The following CNTNAP4 variants were observed in gnomAD, a reference collection of about 807,000 sequenced individuals.
CNTNAP4 encodes contactin associated protein family member 4, also known as contactin-associated protein-like 4.
Under a neutral mutation model 148.4 loss-of-function variants are expected in CNTNAP4, and 98 were observed. That is an observed-to-expected ratio of 0.66 (90% CI 0.56 to 0.78). The LOEUF is 0.78. CNTNAP4 is among the 30% of genes least tolerant of loss of function. The probability of loss-of-function intolerance (pLI) is 0.00; values close to 1 mark genes in which losing one functional copy is unlikely to be tolerated. For synonymous variants in CNTNAP4, 730 were observed against 565.1 expected (o/e 1.29, Z -4.14); for missense variants, 1,935 against 1,565.6 (o/e 1.24, Z -3.98).
intron 2 of CNTNAP4, among the ~76,000 whole-genome samples, chr16:76,346,702 C>G (rs527545568): frequency 5.7e-4 from 87 of 152,274 alleles, no homozygotes; most frequent in African/African-American, 2.0e-3. Context: ...ATAAACCTAT[C>G]TGTGGTAAAA....
chr16:76,543,671 A>AAG (rs1324766800), intron 21 of CNTNAP4, among the ~76,000 whole-genome samples: 147 of 152,350 alleles, frequency 9.6e-4, no homozygotes, highest in African/African-American at 3.4e-3. Context: ...CCATTGAGTT[A>AAG]AAGTCAGCCT....
intron 21 of CNTNAP4, among the ~76,000 whole-genome samples, chr16:76,551,581 G>C (rs1412131886): frequency 6.6e-6 from 1 of 152,056 alleles, no homozygotes; most frequent in African/African-American, 2.4e-5. Context: ...TCATAATTTG[G>C]AATACAGTAG....
chr16:76,474,748 G>T lies in CNTNAP4; in HGVS notation c.1656-1191G>T, dbSNP rs116407159. ...AACTTTCCAAACTTTTTCATCTATG[G>T]TGCCCTATGTGTCTCAGTAATTTTG... is the stretch of plus-strand genomic sequence containing the variant. On this transcript the variant is annotated intron_variant, in intron 10 of 23. Transcript: ENST00000611870. 6.3e-3 allele frequency among the ~76,000 whole-genome samples: 962 copies of T among 152,110 alleles called. 6 individuals are homozygous for T. Among genetic ancestry groups the T allele is most frequent in the African/African-American group, 0.022 (905 of 41,516 alleles).
chr16:76,412,930 T>C (rs1475997875), intron 3 of CNTNAP4, among the ~76,000 whole-genome samples: 1 of 151,472 alleles, frequency 6.6e-6, no homozygotes, highest in South Asian at 2.1e-4. Flanking sequence ...GTCTACAGTC[T>C]TCCTGGAATT....
chr16:76,498,109 G>T (rs903257870), intron 14 of CNTNAP4, among the ~76,000 whole-genome samples: 2 of 151,760 alleles, frequency 1.3e-5, no homozygotes, highest in African/African-American at 4.8e-5. Flanking sequence ...ATTATGTTTT[G>T]GCCAGGCCCA....
intron 10 of CNTNAP4, among the ~76,000 whole-genome samples, chr16:76,474,280 A>G (rs2081482486): frequency 6.6e-6 from 1 of 152,196 alleles, no homozygotes; most frequent in African/African-American, 2.4e-5. Context: ...CCTGGGTTGT[A>G]AAAGTGGCAA....
intron 23 of CNTNAP4, among the ~76,000 whole-genome samples, chr16:76,554,159 G>A (rs555843840): frequency 1.3e-5 from 2 of 152,270 alleles, no homozygotes; most frequent in Admixed American, 6.5e-5. Context: ...AAGATTAATT[G>A]CTAACATGTG....
At chr16:76,305,838 G>T (rs1333684499) in intron 1 of CNTNAP4, among the ~76,000 whole-genome samples, 1 of 152,108 alleles carries the variant, frequency 6.6e-6, no homozygotes, top group Non-Finnish European at 1.5e-5. Context: ...AGTCTGCAGT[G>T]TCAGCTGTTC....
intron 1 of CNTNAP4, among the ~76,000 whole-genome samples, chr16:76,294,685 C>T (rs926124618): frequency 2.0e-5 from 3 of 152,168 alleles, no homozygotes; most frequent in Non-Finnish European, 4.4e-5. Flanking sequence ...TAAAGTGTTC[C>T]AAAACATAGT....
intron 18 of CNTNAP4, among the ~76,000 whole-genome samples, chr16:76,536,554 G>GT (rs2084223607): frequency 6.6e-6 from 1 of 151,928 alleles, no homozygotes; most frequent in Non-Finnish European, 1.5e-5. Context: ...AAGATGCATT[G>GT]TTTTTTATTT....
rs1355552342 is a variant in CNTNAP4, at chr16:76,522,071, G to A, written c.2569G>A (p.Gly857Arg). ...PTVVTFSFDVGNGPFEISVQS... is the reference protein window; with the variant it reads ...PTVVTFSFDVRNGPFEISVQS... ...AGTAGTGACTTTTTCATTTGATGTG[G>A]GGAATGGGCCTTTTGAAATCTCAGT... is the stretch of plus-strand genomic sequence containing the variant. The change falls in exon 17 of 24, where the codon GGG becomes AGG. Residue 857 changes from glycine to arginine, a missense_variant. Gly to Arg is a moderately radical substitution (Grantham distance 125). Coordinates refer to ENST00000611870, the MANE Select transcript of CNTNAP4 (RefSeq NM_033401.5). 6.2e-7 allele frequency: 1 copy of A among 1,613,886 alleles called. No homozygotes were observed. The highest frequency in any genetic ancestry group is 1.1e-5 in the South Asian group (1 of 91,082).
At chr16:76,510,522 A>C (rs2082975582) in intron 15 of CNTNAP4, among the ~76,000 whole-genome samples, 1 of 151,906 alleles carries the variant, frequency 6.6e-6, no homozygotes, top group African/African-American at 2.4e-5. Context: ...ACCTAGGAGT[A>C]GAATTTCCCT....
chr16:76,402,998 TAAC>T (rs2078469950), intron 3 of CNTNAP4, among the ~76,000 whole-genome samples: 3 of 152,030 alleles, frequency 2.0e-5, no homozygotes, highest in African/African-American at 7.2e-5. Context: ...GTAGCAATGA[TAAC>T]AACATATATT....
intron 21 of CNTNAP4, among the ~76,000 whole-genome samples, chr16:76,550,451 A>G (rs1333553460): frequency 1.3e-5 from 2 of 152,134 alleles, no homozygotes; most frequent in Non-Finnish European, 2.9e-5. Context: ...TCAGTTTGTA[A>G]GTGTGAGGCT....
chr16:76,374,977 C>A (rs565006305), intron 3 of CNTNAP4, among the ~76,000 whole-genome samples: 1 of 152,040 alleles, frequency 6.6e-6, no homozygotes, highest in Admixed American at 6.5e-5. Context: ...CCATGTTGGC[C>A]AGGCTGGTCT....
intron 2 of CNTNAP4, among the ~76,000 whole-genome samples, chr16:76,341,066 A>G (rs1014887009): frequency 2.6e-5 from 4 of 152,064 alleles, no homozygotes; most frequent in African/African-American, 9.7e-5. Context: ...AGCCTCTCAC[A>G]CTTCTGGAGT....
At position 76,395,889 on chromosome 16, in the gene CNTNAP4, C is replaced by T. The variant is rs188670486; in HGVS notation, c.391-31563C>T. Reference sequence around the variant, plus strand: ...GACTACAGGTGTGTCCCACAATGGCCGGTTAATTTTTGTATTTTTAGTAGA... The same window carrying T: ...GACTACAGGTGTGTCCCACAATGGCTGGTTAATTTTTGTATTTTTAGTAGA... On this transcript the variant is annotated intron_variant, in intron 3 of 23. Coordinates refer to ENST00000611870, the MANE Select transcript of CNTNAP4 (RefSeq NM_033401.5). Among the ~76,000 whole-genome samples the T allele has an allele frequency of 9.9e-5, 15 of 151,482 alleles. No homozygotes were observed. In the East Asian group the frequency reaches 1.8e-3, roughly 18 times the overall value.
rs543097259 is a variant in CNTNAP4, at chr16:76,514,067, A to G, written c.2366-7073A>G. ...ACCAGATTTACCTTGAATTTATAATATGTTCTCCTTTTATATTAAATGATC... is the reference window on the plus strand; with the variant it reads ...ACCAGATTTACCTTGAATTTATAATGTGTTCTCCTTTTATATTAAATGATC... On this transcript the variant is annotated intron_variant, in intron 15 of 23. Coordinates refer to ENST00000611870, the MANE Select transcript of CNTNAP4 (RefSeq NM_033401.5). 3.2e-3 allele frequency among the ~76,000 whole-genome samples: 488 copies of G among 152,286 alleles called. 2 individuals carry two copies. The highest frequency in any genetic ancestry group is 0.011 in the African/African-American group (472 of 41,562).
rs1191269290 is a variant in CNTNAP4, at chr16:76,489,682, C to T, written c.1883-4C>T. On this transcript the variant is annotated splice_region_variant and splice_polypyrimidine_tract_variant and intron_variant, in intron 12 of 23. Transcript: ENST00000611870. ...CTCTTTCTCCCCCCATTTCTGCATA[C>T]AAGAAACTGCATGGACCATCATACA... is the stretch of plus-strand genomic sequence containing the variant. 2.0e-6 allele frequency: 3 copies of T among 1,527,448 alleles called. No homozygotes were observed. Among genetic ancestry groups the T allele is most frequent in the South Asian group, 2.5e-5 (2 of 78,904 alleles). The allele number at this position is 1,527,448 out of a possible 1,614,324, so 94.6% of individuals were successfully genotyped here.
Sources: allele counts gnomAD v4.1 joint callset (sites outside exome capture counted in the v4.1 genomes callset), GRCh38; gene constraint gnomAD v4.1.1; transcripts MANE v1.5; gene names NCBI Gene and HGNC (gene_info 2026-07-23, HGNC 2026-07-21).